Variants in DMD observed in about 807,000 individuals in gnomAD.
DMD encodes dystrophin.
DMD carries 63 observed loss-of-function variants against 330.1 expected under a neutral mutation model. The observed-to-expected ratio is 0.19, with a 90% CI of 0.16 to 0.24. DMD has a LOEUF of 0.24. Among genes scored for constraint, DMD ranks in the 10% least tolerant of loss-of-function variants. The pLI, the probability that DMD is intolerant of heterozygous loss-of-function variation, is 1.00. For synonymous variants in DMD, 1,223 were observed against 959.8 expected (o/e 1.27, Z -5.07); for missense variants, 3,344 against 2,684.1 (o/e 1.25, Z -5.43).
chrX:32,380,905 G>A (rs745863224), intron 33 of DMD, among the ~76,000 whole-genome samples: 15 of 110,502 alleles, frequency 1.4e-4, no homozygotes, highest in African/African-American at 4.6e-4. Context: ...CTTGTATGTC[G>A]TCATGGTAGA....
chrX:31,838,547 A>G (rs950520140), intron 48 of DMD, among the ~76,000 whole-genome samples: 11 of 111,894 alleles, frequency 9.8e-5, no homozygotes, highest in Non-Finnish European at 2.1e-4. Flanking sequence ...ACAAAGCACT[A>G]TTTTCTATTT....
intron 29 of DMD, among the ~76,000 whole-genome samples, chrX:32,426,461 T>A (rs1283644230): frequency 9.0e-6 from 1 of 111,446 alleles, no homozygotes; most frequent in Non-Finnish European, 1.9e-5. Flanking sequence ...ATGGCTATTA[T>A]TAAAATGTCA....
rs761659317 is a variant in DMD at position 32,334,743 on chromosome X, C to T, written c.5922+7357G>A. Reference sequence around the variant, plus strand: ...TTTCATCAATCTGAAATCAAATTTCCCTTTTCTACTGCAACTGTCTAGATG... The same window carrying T: ...TTTCATCAATCTGAAATCAAATTTCTCTTTTCTACTGCAACTGTCTAGATG... On this transcript the variant is annotated intron_variant, in intron 41 of 78. Coordinates refer to ENST00000357033, the MANE Select transcript of DMD (RefSeq NM_004006.3). Among the ~76,000 whole-genome samples, 11 of 111,524 alleles carry T rather than the reference C, an allele frequency of 9.9e-5. No homozygotes were observed. In the South Asian group the frequency reaches 3.8e-3, roughly 38 times the overall value.
intron 59 of DMD, among the ~76,000 whole-genome samples, chrX:31,454,202 G>A (rs370479533): frequency 7.2e-5 from 8 of 111,028 alleles, no homozygotes; most frequent in Admixed American, 2.9e-4. Flanking sequence ...GCAATGGTGC[G>A]ATCTGGGCTC....
intron 76 of DMD, among the ~76,000 whole-genome samples, chrX:31,138,846 G>A (rs2035676518): frequency 9.0e-6 from 1 of 111,288 alleles, no homozygotes; most frequent in Non-Finnish European, 1.9e-5. Flanking sequence ...TGAGATTTAG[G>A]TGGGAACACA....
intron 60 of DMD, among the ~76,000 whole-genome samples, chrX:31,399,932 G>T (rs967494441): frequency 9.0e-6 from 1 of 111,595 alleles, no homozygotes; most frequent in East Asian, 2.8e-4. Context: ...AGATAATAGA[G>T]AGGAAGAAGT....
intron 2 of DMD, among the ~76,000 whole-genome samples, chrX:32,957,184 ATTTG>A (rs1466750878): frequency 1.8e-5 from 2 of 111,121 alleles, no homozygotes; most frequent in Non-Finnish European, 3.8e-5. Flanking sequence ...TACTATACTT[ATTTG>A]TTTTTCTTGT....
intron 2 of DMD, among the ~76,000 whole-genome samples, chrX:32,880,362 T>C (rs1364333473): frequency 9.1e-6 from 1 of 110,224 alleles, no homozygotes; most frequent in African/African-American, 3.3e-5. Context: ...GTTTAATCAA[T>C]GTTTGGAAGA....
rs191214419 is a variant in DMD, at chrX:32,958,087, A to G, written c.93+62052T>C. 3.3e-4 allele frequency among the ~76,000 whole-genome samples: 37 copies of G among 111,943 alleles called. No individual in the cohort carries two copies. In the East Asian group the frequency reaches 9.6e-3, roughly 29 times the overall value. ...TAATTACCATATAAGCAATTATACT[A>G]ATGTCATTAGAAACATAGATTTTCA... On this transcript the variant is annotated intron_variant, in intron 2 of 78. Transcript: ENST00000357033.
chrX:31,328,922 T>C (rs932396621), intron 61 of DMD, among the ~76,000 whole-genome samples: 4 of 112,271 alleles, frequency 3.6e-5, no homozygotes, highest in African/African-American at 1.3e-4. Context: ...ACATGTAGTA[T>C]AAAGTATGGC....
intron 47 of DMD, among the ~76,000 whole-genome samples, chrX:31,906,156 C>A (rs916848787): frequency 3.6e-5 from 4 of 111,580 alleles, no homozygotes; most frequent in African/African-American, 1.3e-4. Flanking sequence ...GCTTTTCCCT[C>A]TTTTGCTCAT....
intron 51 of DMD, among the ~76,000 whole-genome samples, chrX:31,757,871 C>A (rs753959964): frequency 3.6e-5 from 4 of 111,065 alleles, no homozygotes; most frequent in Non-Finnish European, 7.5e-5. Context: ...TAGCCCACAT[C>A]CAGTGCATGA....
At chrX:33,118,795 A>G (rs1188058981) in intron 1 of DMD, among the ~76,000 whole-genome samples, 1 of 111,266 alleles carries the variant, frequency 9.0e-6, no homozygotes, top group Non-Finnish European at 1.9e-5. Context: ...CAACTTGTCT[A>G]TTTGTCCTTG....
chrX:32,513,062 C>T (rs1395165237), intron 18 of DMD, among the ~76,000 whole-genome samples: 1 of 111,889 alleles, frequency 8.9e-6, no homozygotes. Flanking sequence ...CAATGCTATT[C>T]TTTTTTACTG....
At chrX:32,673,322 C>T (rs187397060) in intron 9 of DMD, among the ~76,000 whole-genome samples, 7 of 111,235 alleles carry the variant, frequency 6.3e-5, no homozygotes, top group Admixed American at 1.9e-4. Flanking sequence ...ATGTGCCTTA[C>T]GAGTACCAAC....
At chrX:32,378,706 T>A (rs1332858964) in intron 34 of DMD, among the ~76,000 whole-genome samples, 1 of 111,016 alleles carries the variant, frequency 9.0e-6, no homozygotes, top group Non-Finnish European at 1.9e-5. Flanking sequence ...TATTCAAATT[T>A]GCTGCAGTCA....
chrX:33,038,262 C>T (rs193005554), intron 1 of DMD, among the ~76,000 whole-genome samples: 42 of 111,892 alleles, frequency 3.8e-4, no homozygotes, highest in Non-Finnish European at 7.5e-5. Context: ...TGCATTAGTG[C>T]ATACCTCCAA....
chrX:32,417,753 G>C (rs968253026), intron 29 of DMD, among the ~76,000 whole-genome samples: 4 of 109,937 alleles, frequency 3.6e-5, no homozygotes, highest in Non-Finnish European at 7.6e-5. Flanking sequence ...GAAAACAAAA[G>C]AGCTTCTGCA....
chrX:32,888,841 C>A (rs1056546059), intron 2 of DMD, among the ~76,000 whole-genome samples: 2 of 111,598 alleles, frequency 1.8e-5, no homozygotes, highest in African/African-American at 6.5e-5. Flanking sequence ...TAAGAAAATC[C>A]TGTAATTGGG....
Sources: gnomAD v4.1 joint callset for allele counts (sites outside exome capture counted in the v4.1 genomes callset) on GRCh38, gnomAD v4.1.1 for gene constraint, MANE v1.5 for transcripts, NCBI Gene and HGNC (gene_info 2026-07-23, HGNC 2026-07-21) for gene names.